CSMD3: variants seen among roughly 807,000 people sequenced by gnomAD.
CSMD3 encodes the protein CUB and Sushi multiple domains 3.
In CSMD3, 177 loss-of-function variants were observed where a neutral mutation model predicts 435.2. That is an observed-to-expected ratio of 0.41 (90% CI 0.36 to 0.46). CSMD3 has a LOEUF of 0.46. Ranked by LOEUF, CSMD3 falls within the 20% of genes least tolerant of loss-of-function variation. The pLI, the probability that CSMD3 is intolerant of heterozygous loss-of-function variation, is 0.34. For missense variants in CSMD3, 4,265 were observed against 4,504.6 expected, an observed-to-expected ratio of 0.95 and a Z score of 1.52; for synonymous variants, 1,656 against 1,520.5, an observed-to-expected ratio of 1.09 and a Z score of -2.07.
chr8:112,521,257 C>G (rs1586586667), intron 27 of CSMD3, among the ~76,000 whole-genome samples: 1 of 151,942 alleles, frequency 6.6e-6, no homozygotes, highest in South Asian at 2.1e-4. Context: ...TTAAATATAT[C>G]TCCTGAGAGA....
intron 5 of CSMD3, among the ~76,000 whole-genome samples, chr8:113,042,412 TTAAA>T (rs1462610408): frequency 6.6e-6 from 1 of 152,208 alleles, no homozygotes; most frequent in Non-Finnish European, 1.5e-5. Flanking sequence ...CTCAGTGAAG[TTAAA>T]TAGTTTTCTT....
chr8:112,253,778 A>G (rs1204028841), intron 63 of CSMD3, among the ~76,000 whole-genome samples: 3 of 151,998 alleles, frequency 2.0e-5, no homozygotes, highest in African/African-American at 7.2e-5. Context: ...TTTTTCAGCA[A>G]TTTCCCACCA....
At chr8:112,454,258 T>C (rs1208524622) in intron 32 of CSMD3, among the ~76,000 whole-genome samples, 1 of 152,036 alleles carries the variant, frequency 6.6e-6, no homozygotes, top group Non-Finnish European at 1.5e-5. Flanking sequence ...TAAGACGTAA[T>C]TAAACTAAAG....
intron 28 of CSMD3, among the ~76,000 whole-genome samples, chr8:112,507,614 T>A (rs1164243682): frequency 3.3e-5 from 5 of 152,194 alleles, no homozygotes; most frequent in Admixed American, 2.6e-4. Flanking sequence ...TCACCTTGGT[T>A]TCGAAATTGT....
intron 9 of CSMD3, among the ~76,000 whole-genome samples, chr8:112,941,443 C>T (rs558019920): frequency 1.3e-5 from 2 of 151,848 alleles, no homozygotes; most frequent in Non-Finnish European, 3.0e-5. Context: ...GGAGAAAAAT[C>T]GGCAGCTTGT....
intron 2 of CSMD3, chr8:113,312,982 A>T (rs901306910): frequency 6.6e-6 from 1 of 152,226 alleles, no homozygotes; most frequent in African/African-American, 2.4e-5. Context: ...TCAACCTAGT[A>T]ACCTTGTTTT....
intron 2 of CSMD3, among the ~76,000 whole-genome samples, chr8:113,288,807 G>T (rs1176814612): frequency 2.0e-5 from 3 of 151,756 alleles, no homozygotes; most frequent in Non-Finnish European, 4.4e-5. Flanking sequence ...GTAATATTGG[G>T]CAAGCTACTT....
chr8:113,394,807 A>T (rs1414023918), intron 1 of CSMD3, among the ~76,000 whole-genome samples: 3 of 152,164 alleles, frequency 2.0e-5, no homozygotes, highest in Non-Finnish European at 4.4e-5. Flanking sequence ...TTAAAAAAAA[A>T]ATTTAACTAT....
chr8:113,036,624 C>T (rs140510668), intron 5 of CSMD3, among the ~76,000 whole-genome samples: 1 of 152,156 alleles, frequency 6.6e-6, no homozygotes, highest in Non-Finnish European at 1.5e-5. Flanking sequence ...AATTCAATCC[C>T]ACTGTACTGC....
intron 12 of CSMD3, among the ~76,000 whole-genome samples, chr8:112,804,387 C>A (rs925107629): frequency 6.6e-6 from 1 of 151,978 alleles, no homozygotes; most frequent in African/African-American, 2.4e-5. Context: ...AAAGGCATAA[C>A]CCCTATTCTG....
intron 23 of CSMD3, among the ~76,000 whole-genome samples, chr8:112,580,766 G>T (rs144861565): frequency 6.6e-6 from 1 of 152,054 alleles, no homozygotes; most frequent in African/African-American, 2.4e-5. Flanking sequence ...AGACCAAGTA[G>T]CAAATGAGAG....
At chr8:113,387,046 G>A (rs2094442360) in intron 1 of CSMD3, among the ~76,000 whole-genome samples, 1 of 151,766 alleles carries the variant, frequency 6.6e-6, no homozygotes, top group Non-Finnish European at 1.5e-5. Context: ...TTTTGAATTG[G>A]CAGTGTTCCT....
chr8:113,076,316 A>C (rs937050586), intron 5 of CSMD3, among the ~76,000 whole-genome samples: 1 of 151,804 alleles, frequency 6.6e-6, no homozygotes, highest in Non-Finnish European at 1.5e-5. Flanking sequence ...TTTTGCTGCC[A>C]CTGTCAAGGG....
At chr8:112,545,941 G>A (rs1047894383) in intron 27 of CSMD3, among the ~76,000 whole-genome samples, 2 of 152,186 alleles carry the variant, frequency 1.3e-5, no homozygotes, top group Non-Finnish European at 2.9e-5. Flanking sequence ...GGGAAGAGCA[G>A]TACATATGTG....
intron 13 of CSMD3, among the ~76,000 whole-genome samples, chr8:112,726,225 A>G (rs1035025328): frequency 6.6e-6 from 1 of 151,948 alleles, no homozygotes; most frequent in African/African-American, 2.4e-5. Context: ...GATTATGGAG[A>G]TTATAATTGA....
chr8:112,287,690 A>G (rs1261792048), intron 57 of CSMD3, among the ~76,000 whole-genome samples: 1 of 152,082 alleles, frequency 6.6e-6, no homozygotes, highest in Non-Finnish European at 1.5e-5. Context: ...GTTAAAGTAG[A>G]ACTGTGGTGT....
chr8:112,996,356 C>T (rs1233750214), intron 6 of CSMD3, among the ~76,000 whole-genome samples: 3 of 151,476 alleles, frequency 2.0e-5, no homozygotes, highest in Non-Finnish European at 3.0e-5. Context: ...GAAGTATTTG[C>T]CTTTTTGCAC....
intron 5 of CSMD3, among the ~76,000 whole-genome samples, chr8:113,072,558 T>G (rs930069389): frequency 6.6e-6 from 1 of 151,874 alleles, no homozygotes; most frequent in African/African-American, 2.4e-5. Context: ...ACAGCATCAA[T>G]TATAATTTCC....
chr8:112,358,168 C>G lies in CSMD3; in HGVS notation c.6137-5634G>C, dbSNP rs564103637. 5.9e-5 allele frequency among the ~76,000 whole-genome samples: 9 copies of G among 152,282 alleles called. No homozygotes were observed. In the South Asian group the frequency reaches 1.9e-3, roughly 32 times the overall value. ...TATGACTGCCCCATTTGATTTTGAA[C>G]TTGCATGGGGCCTGTAGCACCTTTG... On this transcript the variant is annotated intron_variant, in intron 38 of 70. Coordinates refer to ENST00000297405, the MANE Select transcript of CSMD3 (RefSeq NM_198123.2).
Sources: gnomAD v4.1 joint callset for allele counts (sites outside exome capture counted in the v4.1 genomes callset) on GRCh38, gnomAD v4.1.1 for gene constraint, MANE v1.5 for transcripts, NCBI Gene and HGNC (gene_info 2026-07-23, HGNC 2026-07-21) for gene names.